AGTPBP1: variants seen among roughly 807,000 people sequenced by gnomAD.
AGTPBP1 encodes cytosolic carboxypeptidase 1.
Under a neutral mutation model 143.9 loss-of-function variants are expected in AGTPBP1, and 70 were observed. The observed-to-expected ratio is 0.49, with a 90% CI of 0.40 to 0.59. The LOEUF (loss-of-function observed/expected upper bound fraction) is 0.59, where lower values mean the gene tolerates loss of function less well. AGTPBP1 is among the 20% of genes least tolerant of loss of function. The pLI is 0.00. For synonymous variants in AGTPBP1, 463 were observed against 500.2 expected (o/e 0.93, Z 0.99); for missense variants, 1,229 against 1,464.5 (o/e 0.84, Z 2.62).
chr9:85,691,763 A>G (rs1327277812), intron 3 of AGTPBP1, among the ~76,000 whole-genome samples: 1 of 152,082 alleles, frequency 6.6e-6, no homozygotes, highest in Non-Finnish European at 1.5e-5. Flanking sequence ...GTTTTATTTG[A>G]GCCTTTTCAC....
intron 2 of AGTPBP1, among the ~76,000 whole-genome samples, chr9:85,701,577 T>C (rs1836665052): frequency 6.6e-6 from 1 of 152,170 alleles, no homozygotes; most frequent in South Asian, 2.1e-4. Flanking sequence ...ATTAAATCAA[T>C]TACTATATTG....
chr9:85,748,491 A>G, the AGTPBP1 span, among the ~76,000 whole-genome samples: 1 of 152,190 alleles, frequency 6.6e-6, no homozygotes, highest in African/African-American at 2.4e-5. Flanking sequence ...TTTGAGCTCC[A>G]GCCTCTCCCC....
At chr9:85,603,519 C>T (rs542074739) in intron 17 of AGTPBP1, among the ~76,000 whole-genome samples, 1 of 152,192 alleles carries the variant, frequency 6.6e-6, no homozygotes, top group South Asian at 2.1e-4. Context: ...GGTACCCAGG[C>T]AGTTCTCACT....
At chr9:85,561,981 G>A (rs1024067822) in intron 25 of AGTPBP1, among the ~76,000 whole-genome samples, 9 of 151,930 alleles carry the variant, frequency 5.9e-5, no homozygotes, top group Admixed American at 2.0e-4. Flanking sequence ...ACAGGCACCT[G>A]CCACCACGCC....
At position 85,642,906 on chromosome 9, in the gene AGTPBP1, G is replaced by A; in HGVS notation, c.1223C>T (p.Pro408Leu). The change falls in exon 13 of 26, where the codon CCC becomes CTC. Residue 408 changes from proline to leucine, a missense_variant. Pro to Leu is a moderately conservative substitution (Grantham distance 98). Coordinates refer to ENST00000357081, the MANE Select transcript of AGTPBP1 (RefSeq NM_001330701.2). ...TATTGTTCGTCCCGGTTCTTGCTGGGGTTTTAGTTTGTTAATATCTGTTTC... is the reference window on the plus strand; with the variant it reads ...TATTGTTCGTCCCGGTTCTTGCTGGAGTTTTAGTTTGTTAATATCTGTTTC... ...DIETDINKLKPQQEPGRTIED... is the reference protein window; with the variant it reads ...DIETDINKLKLQQEPGRTIED... 6.2e-7 allele frequency: 1 copy of A among 1,613,204 alleles called. No homozygotes were observed.
At chr9:85,678,065 T>C (rs1014216246) in intron 5 of AGTPBP1, among the ~76,000 whole-genome samples, 10 of 152,188 alleles carry the variant, frequency 6.6e-5, no homozygotes, top group Non-Finnish European at 1.3e-4. Context: ...ATCTCATTTA[T>C]TTAGAAAATA....
At chr9:85,692,107 C>A (rs1189131238) in intron 3 of AGTPBP1, among the ~76,000 whole-genome samples, 2 of 151,826 alleles carry the variant, frequency 1.3e-5, no homozygotes, top group African/African-American at 4.8e-5. Flanking sequence ...TATCTTTTTG[C>A]CAAAAATCTA....
Position 85,632,703 on chromosome 9 carries a change from T to C in AGTPBP1, c.1974A>G (p.Pro658=). ...GCCTTTCTAAAATAGGCTCTTTGAA[T>C]GGAGGCGGAATGTGACCAAAATAAT... is the stretch of plus-strand genomic sequence containing the variant. The part of the protein sequence containing the change: ...YPDYFGHIPP[P]FKEPILERPY... The change falls in exon 14 of 26, where the codon CCA becomes CCG. Residue 658 remains proline, a synonymous_variant. Coordinates refer to ENST00000357081, the MANE Select transcript of AGTPBP1 (RefSeq NM_001330701.2). 6.2e-7 allele frequency: 1 copy of C among 1,613,348 alleles called. No homozygotes were observed. The highest frequency in any genetic ancestry group is 8.5e-7 in the Non-Finnish European group (1 of 1,179,608).
At chr9:85,566,439 A>G (rs573117046) in intron 25 of AGTPBP1, among the ~76,000 whole-genome samples, 42 of 146,994 alleles carry the variant, frequency 2.9e-4, no homozygotes, top group African/African-American at 1.0e-3. Context: ...CCGAGATGGG[A>G]GGACTGCTTG....
chr9:85,567,237 T>C (rs1587641935), intron 25 of AGTPBP1, among the ~76,000 whole-genome samples: 1 of 152,184 alleles, frequency 6.6e-6, no homozygotes, highest in Non-Finnish European at 1.5e-5. Context: ...AATCCACAAG[T>C]GACTTTAAAA....
the AGTPBP1 span, among the ~76,000 whole-genome samples, chr9:85,767,180 C>CTTTTTTTTTTT: frequency 1.7e-5 from 2 of 116,440 alleles, no homozygotes; most frequent in Admixed American, 8.6e-5. Context: ...TGAGAACATA[C>CTTTTTTTTTTT]TTTTTTTTTT....
chr9:85,579,606 G>A (rs765453999), intron 23 of AGTPBP1, among the ~76,000 whole-genome samples: 61 of 149,072 alleles, frequency 4.1e-4, no homozygotes, highest in East Asian at 2.2e-3. Flanking sequence ...TGTGTGGGGC[G>A]AGGGGGGGGG....
At chr9:85,554,395 C>T (rs1826207090) in intron 25 of AGTPBP1, 1 of 152,396 alleles carries the variant, frequency 6.6e-6, no homozygotes, top group Non-Finnish European at 1.5e-5. Flanking sequence ...AGCAGCAAAA[C>T]AACCAAAACA....
intron 2 of AGTPBP1, among the ~76,000 whole-genome samples, chr9:85,711,065 C>T (rs1192318318): frequency 1.3e-5 from 2 of 152,078 alleles, no homozygotes; most frequent in African/African-American, 4.8e-5. Context: ...CATTATATAA[C>T]AGATTTAACG....
intron 12 of AGTPBP1, among the ~76,000 whole-genome samples, 177 bp downstream of exon 12, chr9:85,646,144 C>G (rs1587818669): frequency 6.6e-6 from 1 of 152,262 alleles, no homozygotes; most frequent in East Asian, 1.9e-4. Flanking sequence ...AGGTCCTTTT[C>G]AGACCAGTGG....
intron 17 of AGTPBP1, among the ~76,000 whole-genome samples, chr9:85,602,424 G>C (rs2133341039): frequency 6.6e-6 from 1 of 152,170 alleles, no homozygotes; most frequent in East Asian, 1.9e-4. Flanking sequence ...AAAGACAGGT[G>C]TTTTCAAATA....
chr9:85,578,778 A>C (rs1828053418), intron 24 of AGTPBP1, 142 bp downstream of exon 24: 1 of 813,206 alleles, frequency 1.2e-6, no homozygotes, highest in African/African-American at 1.8e-5. Flanking sequence ...TATTCTTAAG[A>C]CTGCATATGA....
the AGTPBP1 span, among the ~76,000 whole-genome samples, chr9:85,771,100 A>G: frequency 6.6e-6 from 1 of 152,212 alleles, no homozygotes; most frequent in Non-Finnish European, 1.5e-5. Flanking sequence ...CACTTAAGTT[A>G]TATATTATGA....
chr9:85,625,032 C>T lies in AGTPBP1; in HGVS notation c.2016-3747G>A, dbSNP rs572246828. ...ACACCATAATTTAACTAGTCCTTGA[C>T]AAATAGGCACTTGAGTTGTATCCAA... On this transcript the variant is annotated intron_variant, in intron 14 of 25. Coordinates refer to ENST00000357081, the MANE Select transcript of AGTPBP1 (RefSeq NM_001330701.2). Among the ~76,000 whole-genome samples, 15 of 152,282 alleles carry T rather than the reference C, an allele frequency of 9.9e-5. No individual in the cohort carries two copies. In the South Asian group the frequency reaches 3.1e-3, roughly 32 times the overall value.
Sources: gnomAD v4.1 joint callset for allele counts (sites outside exome capture counted in the v4.1 genomes callset) on GRCh38, gnomAD v4.1.1 for gene constraint, MANE v1.5 for transcripts, NCBI Gene and HGNC (gene_info 2026-07-23, HGNC 2026-07-21) for gene names.